The following ALG6 variants were observed in gnomAD, a reference collection of about 807,000 sequenced individuals.
The protein encoded by ALG6 is ALG6 alpha-1,3-glucosyltransferase.
A neutral mutation model predicts 66.6 loss-of-function variants in ALG6; 46 were observed. That is an observed-to-expected ratio of 0.69 (90% confidence interval 0.55 to 0.88). ALG6 has a LOEUF of 0.88. Ranked by LOEUF, ALG6 falls within the 40% of genes least tolerant of loss-of-function variation. ALG6 has a pLI of 0.00. For missense variants in ALG6, 505 were observed against 586.8 expected (o/e 0.86, Z 1.44); for synonymous variants, 185 against 203.7 (o/e 0.91, Z 0.78).
At chr1:63,388,062 G>A (rs998324320) in intron 2 of ALG6, among the ~76,000 whole-genome samples, 1 of 152,124 alleles carries the variant, frequency 6.6e-6, no homozygotes, top group Non-Finnish European at 1.5e-5. Flanking sequence ...GATTACAGGT[G>A]CACGCCACCA....
Position 63,422,175 on chromosome 1 carries a change from T to A in ALG6, c.1058+2735T>A, listed in dbSNP as rs1403760751. Among the ~76,000 whole-genome samples the A allele has an allele frequency of 2.2e-4, 25 of 115,056 alleles. 1 individual carries two copies. The highest frequency in any genetic ancestry group is 6.3e-4 in the Admixed American group (6 of 9,526). The allele number at this position is 115,056 out of a possible 152,430, so 75.5% of individuals were successfully genotyped here. On this transcript the variant is annotated intron_variant, in intron 12 of 14. Coordinates refer to ENST00000263440, the MANE Select transcript of ALG6 (RefSeq NM_013339.4). ...TATAAATATATATATAACTATGAAT[T>A]TATATTTATATAAATATATATCTAT...
chr1:63,430,403 C>A (rs1644639722), intron 14 of ALG6, among the ~76,000 whole-genome samples: 1 of 152,102 alleles, frequency 6.6e-6, no homozygotes, highest in Non-Finnish European at 1.5e-5. Context: ...TTTCATTTCC[C>A]TTATGTGTAT....
At chr1:63,418,507 A>G (rs949866430) in intron 11 of ALG6, among the ~76,000 whole-genome samples, 5 of 152,066 alleles carry the variant, frequency 3.3e-5, no homozygotes, top group Admixed American at 2.0e-4. Context: ...TGAGGGAGAT[A>G]CAAGAGATGA....
chr1:63,393,743 C>G (rs1231197951), intron 2 of ALG6, among the ~76,000 whole-genome samples: 2 of 152,258 alleles, frequency 1.3e-5, no homozygotes, highest in South Asian at 2.1e-4. Flanking sequence ...ATTGGTCTGC[C>G]ATCACAAATT....
Position 63,412,028 on chromosome 1 carries a change from AAG to A in ALG6, c.785_786del (p.Arg262ThrfsTer5). 1.9e-6 allele frequency: 3 copies of A among 1,614,090 alleles called. No individual in the cohort carries two copies. The highest frequency in any genetic ancestry group is 2.5e-6 in the Non-Finnish European group (3 of 1,179,980). The stretch of plus-strand genomic sequence containing the variant: ...GGGAACAAACCCTGCAGGTTCTAAG[AAG>A]ACTCTTCCCGGTTGATCGTGGATTA... ...EREQTLQVLR[R>X]LFPVDRGLFE... On this transcript the variant is annotated frameshift_variant, in exon 9 of 15. Transcript: ENST00000263440. LOFTEE classifies it high-confidence loss of function.
intron 11 of ALG6, among the ~76,000 whole-genome samples, chr1:63,417,360 A>G (rs1264380565): frequency 6.6e-6 from 1 of 152,344 alleles, no homozygotes; most frequent in East Asian, 1.9e-4. Context: ...TAAGCCAGAA[A>G]AAACATTTTC....
intron 6 of ALG6, 27 bp downstream of exon 6, chr1:63,406,426 C>T (rs756200293): frequency 3.2e-5 from 51 of 1,580,092 alleles, no homozygotes; most frequent in Middle Eastern, 3.5e-4. Context: ...CCTGACAGTT[C>T]GTCTCTGAAA....
chr1:63,408,577 A>G (rs1644501192), intron 7 of ALG6, among the ~76,000 whole-genome samples: 1 of 152,162 alleles, frequency 6.6e-6, no homozygotes, highest in Admixed American at 6.5e-5. Flanking sequence ...CGATTTTTAG[A>G]TAATCCCAAG....
chr1:63,375,729 T>C (rs1648102554), intron 2 of ALG6, among the ~76,000 whole-genome samples: 1 of 152,170 alleles, frequency 6.6e-6, no homozygotes, highest in African/African-American at 2.4e-5. Flanking sequence ...GTAAAGGTAT[T>C]TGGGCCTGGA....
intron 10 of ALG6, 110 bp downstream of exon 10, chr1:63,414,256 T>A: frequency 4.3e-6 from 1 of 235,164 alleles, no homozygotes; most frequent in Non-Finnish European, 7.5e-6. Context: ...TTTTCTTTTC[T>A]TTTTTTTTTT....
intron 4 of ALG6, 52 bp from the exon 5 acceptor site, chr1:63,404,400 AT>A: frequency 1.5e-6 from 2 of 1,376,694 alleles, no homozygotes; most frequent in Middle Eastern, 1.8e-4. Flanking sequence ...CAATATCTTT[AT>A]TGCTAAAAGG....
intron 14 of ALG6, among the ~76,000 whole-genome samples, chr1:63,431,052 G>A (rs999099408): frequency 6.6e-6 from 1 of 152,028 alleles, no homozygotes; most frequent in Non-Finnish European, 1.5e-5. Context: ...AGTTAATATT[G>A]TATATGGTGT....
intron 10 of ALG6, among the ~76,000 whole-genome samples, chr1:63,415,414 C>T (rs1433101868): frequency 6.6e-6 from 1 of 152,082 alleles, no homozygotes; most frequent in Non-Finnish European, 1.5e-5. Flanking sequence ...TTATGATTTA[C>T]CATGGGCTTG....
intron 14 of ALG6, among the ~76,000 whole-genome samples, chr1:63,435,654 CTT>C (rs1490280597): frequency 6.6e-6 from 1 of 152,090 alleles, no homozygotes; most frequent in Non-Finnish European, 1.5e-5. Context: ...TCTTGCTGGT[CTT>C]TGTCTTAAAG....
intron 3 of ALG6, among the ~76,000 whole-genome samples, chr1:63,397,241 A>C (rs923791197): frequency 1.3e-5 from 2 of 151,610 alleles, no homozygotes; most frequent in Non-Finnish European, 2.9e-5. Flanking sequence ...GCTGGAGTGC[A>C]GTGGCGTGAT....
At position 63,436,820 on chromosome 1, in the gene ALG6, C is replaced by A. The variant is rs1434082205; in HGVS notation, c.1327-3C>A. 2 of 1,613,038 alleles carry A rather than the reference C, an allele frequency of 1.2e-6. No homozygotes were observed. The highest frequency in any genetic ancestry group is 2.7e-5 in the African/African-American group (2 of 74,858). ...TACTCAGTAATCCTTTTTTTCCTTG[C>A]AGTTTCTTATCTCAGTCATCACTAT... On this transcript the variant is annotated splice_polypyrimidine_tract_variant and splice_region_variant and intron_variant, in intron 14 of 14. Coordinates refer to ENST00000263440, the MANE Select transcript of ALG6 (RefSeq NM_013339.4).
Position 63,414,122 on chromosome 1 carries a change from C to A in ALG6, c.878C>A (p.Pro293Gln). ...TTTCTGAAGATTAAGGATATTTTGC[C>A]ACGTCACATCCAATTAATAATGAGG... Reference protein sequence around the residue: ...NVFLKIKDILPRHIQLIMSFC... With the variant: ...NVFLKIKDILQRHIQLIMSFC... Residue 293 changes from proline to glutamine, a missense_variant, in exon 10 of 15, where the codon CCA (proline) becomes CAA (glutamine). Physicochemically the swap from Pro to Gln is moderately conservative, Grantham distance 76 (BLOSUM62 -1). Coordinates refer to ENST00000263440, the MANE Select transcript of ALG6 (RefSeq NM_013339.4). 6.2e-7 allele frequency: 1 copy of A among 1,611,766 alleles called. No individual in the cohort carries two copies. Among genetic ancestry groups the A allele is most frequent in the Non-Finnish European group, 8.5e-7 (1 of 1,178,110 alleles).
chr1:63,414,641 T>C (rs1254497191), intron 10 of ALG6, among the ~76,000 whole-genome samples: 2 of 152,220 alleles, frequency 1.3e-5, no homozygotes, highest in Admixed American at 6.5e-5. Context: ...TGTGAAAATT[T>C]CTGAATTGTT....
intron 14 of ALG6, among the ~76,000 whole-genome samples, chr1:63,434,602 A>AG (rs1396088401): frequency 7.6e-6 from 1 of 131,942 alleles, no homozygotes; most frequent in African/African-American, 2.7e-5. Context: ...TAAAACCTGG[A>AG]GTTTTTTTGC....
Sources: gnomAD v4.1 joint callset for allele counts (sites outside exome capture counted in the v4.1 genomes callset) on GRCh38, gnomAD v4.1.1 for gene constraint, MANE v1.5 for transcripts, NCBI Gene and HGNC (gene_info 2026-07-23, HGNC 2026-07-21) for gene names.